The following NMNAT2 variants were observed in gnomAD, a reference collection of about 807,000 sequenced individuals.
The protein encoded by NMNAT2 is nicotinamide nucleotide adenylyltransferase 2.
NMNAT2 carries 11 observed loss-of-function variants against 41.6 expected under a neutral mutation model. That is an observed-to-expected ratio of 0.26 (90% CI 0.17 to 0.44). NMNAT2 has a LOEUF of 0.44. NMNAT2 is among the 20% of genes least tolerant of loss of function. The probability of loss-of-function intolerance (pLI) is 1.00; values close to 1 mark genes in which losing one functional copy is unlikely to be tolerated. For synonymous variants in NMNAT2, 148 were observed against 151.2 expected (o/e 0.98, Z 0.16); for missense variants, 288 against 407.7 (o/e 0.71, Z 2.53).
At chr1:183,369,571 C>T (rs1663488292) in intron 1 of NMNAT2, among the ~76,000 whole-genome samples, 1 of 152,102 alleles carries the variant, frequency 6.6e-6, no homozygotes, top group African/African-American at 2.4e-5. Context: ...GCTACCGCAC[C>T]CAGCCTATTC....
intron 1 of NMNAT2, among the ~76,000 whole-genome samples, chr1:183,348,313 C>T (rs989416304): frequency 6.6e-6 from 1 of 152,060 alleles, no homozygotes; most frequent in Admixed American, 6.6e-5. Flanking sequence ...TGTAAGTGCA[C>T]ACACAGACCA....
chr1:183,326,023 T>A (rs1345748708), intron 1 of NMNAT2, among the ~76,000 whole-genome samples: 1 of 151,846 alleles, frequency 6.6e-6, no homozygotes, highest in Admixed American at 6.6e-5. Context: ...CATATACATG[T>A]GAATCAAGAA....
intron 1 of NMNAT2, among the ~76,000 whole-genome samples, chr1:183,331,190 G>T (rs927000822): frequency 7.2e-5 from 11 of 152,092 alleles, no homozygotes; most frequent in African/African-American, 2.7e-4. Flanking sequence ...GCAGGTGGGG[G>T]TGGCCGTGGC....
chr1:183,298,549 T>G (rs1437223359), intron 1 of NMNAT2, among the ~76,000 whole-genome samples: 1 of 152,240 alleles, frequency 6.6e-6, no homozygotes, highest in Non-Finnish European at 1.5e-5. Flanking sequence ...TCTAAATAAA[T>G]GTAGAGACCT....
chr1:183,417,624 C>G (rs562580041), intron 1 of NMNAT2, among the ~76,000 whole-genome samples: 24 of 152,346 alleles, frequency 1.6e-4, no homozygotes, highest in Admixed American at 1.1e-3. Context: ...TTCCCAAACA[C>G]TGGTCCCTGG....
chr1:183,310,010 C>G (rs1167941547), intron 1 of NMNAT2, among the ~76,000 whole-genome samples: 1 of 152,130 alleles, frequency 6.6e-6, no homozygotes, highest in African/African-American at 2.4e-5. Flanking sequence ...GGGTGGACAC[C>G]TGAAGAATCA....
intron 1 of NMNAT2, among the ~76,000 whole-genome samples, chr1:183,410,316 C>A (rs1649082379): frequency 6.6e-6 from 1 of 150,678 alleles, no homozygotes; most frequent in Admixed American, 6.6e-5. Context: ...GAGTGAGACT[C>A]CATCTCAAAA....
In NMNAT2 at chr1:183,278,583, G is replaced by A. The variant is rs200493890; in HGVS notation, c.621C>T (p.Phe207=). The part of the protein sequence containing the change: ...LLCGSDLLES[F]CIPGLWNEAD... ...CCTCGTTCCAGAGCCCTGGGATGCAGAAGGACTCCAGCAGGTCACTACCAC... is the reference window on the plus strand; with the variant it reads ...CCTCGTTCCAGAGCCCTGGGATGCAAAAGGACTCCAGCAGGTCACTACCAC... The change falls in exon 8 of 11, where the codon TTC becomes TTT. Residue 207 remains phenylalanine, a synonymous_variant. Coordinates refer to ENST00000287713, the MANE Select transcript of NMNAT2 (RefSeq NM_015039.4). 36 of 1,613,888 alleles carry A rather than the reference G, an allele frequency of 2.2e-5. No individual in the cohort carries two copies. Among genetic ancestry groups the A allele is most frequent in the Non-Finnish European group, 2.8e-5 (33 of 1,179,790 alleles).
intron 1 of NMNAT2, among the ~76,000 whole-genome samples, chr1:183,371,064 C>T (rs1663528707): frequency 6.6e-6 from 1 of 152,140 alleles, no homozygotes; most frequent in South Asian, 2.1e-4. Flanking sequence ...TTCCCCCACA[C>T]CTCCACAGGA....
chr1:183,413,941 T>A (rs1649189090), intron 1 of NMNAT2, among the ~76,000 whole-genome samples: 1 of 152,188 alleles, frequency 6.6e-6, no homozygotes, highest in Admixed American at 6.5e-5. Flanking sequence ...GCGGCTGCCA[T>A]AAGTTTCCAA....
intron 10 of NMNAT2, among the ~76,000 whole-genome samples, chr1:183,260,520 A>C (rs1660629347): frequency 6.6e-6 from 1 of 152,152 alleles, no homozygotes; most frequent in Admixed American, 6.5e-5. Flanking sequence ...CCTCCCTTTT[A>C]AAAGTAAATG....
intron 1 of NMNAT2, among the ~76,000 whole-genome samples, chr1:183,338,275 C>T (rs1662721791): frequency 7.0e-6 from 1 of 143,582 alleles, no homozygotes. Flanking sequence ...CAGGGTGCAT[C>T]TGAAAACTGC....
intron 1 of NMNAT2, among the ~76,000 whole-genome samples, chr1:183,372,677 C>G (rs1437026745): frequency 6.6e-6 from 1 of 152,188 alleles, no homozygotes; most frequent in Non-Finnish European, 1.5e-5. Context: ...AAAATGCCCC[C>G]TCTCTTTTCT....
At chr1:183,257,075 A>G (rs1158213735) in intron 10 of NMNAT2, among the ~76,000 whole-genome samples, 2 of 152,002 alleles carry the variant, frequency 1.3e-5, no homozygotes, top group Non-Finnish European at 1.5e-5. Flanking sequence ...TATCTGGCTT[A>G]GGTATCAAAG....
Position 183,404,176 on chromosome 1 carries a change from G to T in NMNAT2, c.85+14007C>A, listed in dbSNP as rs973368727. On this transcript the variant is annotated intron_variant, in intron 1 of 10. Coordinates refer to ENST00000287713, the MANE Select transcript of NMNAT2 (RefSeq NM_015039.4). ...TGTGGTGGCACAATCTCAGCTCACT[G>T]CAACCTCTGCCTCCCAGGTTCAAGC... is the stretch of plus-strand genomic sequence containing the variant. Among the ~76,000 whole-genome samples the T allele has an allele frequency of 1.4e-4, 21 of 147,432 alleles. 1 individual carries two copies. The Admixed American group carries it at 1.5e-3, about 10-fold the overall frequency.
intron 1 of NMNAT2, among the ~76,000 whole-genome samples, chr1:183,415,410 G>A (rs1649227204): frequency 1.3e-5 from 2 of 152,182 alleles, no homozygotes; most frequent in South Asian, 4.1e-4. Context: ...AAGATCTTAA[G>A]GAAAAGCACA....
At chr1:183,376,241 C>T (rs576654803) in intron 1 of NMNAT2, among the ~76,000 whole-genome samples, 1 of 152,092 alleles carries the variant, frequency 6.6e-6, no homozygotes, top group Admixed American at 6.5e-5. Context: ...TAGTTGAGAA[C>T]CTATTAAGTG....
chr1:183,366,216 T>C (rs563694504), intron 1 of NMNAT2, among the ~76,000 whole-genome samples: 2 of 152,342 alleles, frequency 1.3e-5, no homozygotes, highest in African/African-American at 4.8e-5. Flanking sequence ...TATTTATGTA[T>C]TAATTCACTC....
intron 1 of NMNAT2, among the ~76,000 whole-genome samples, chr1:183,306,968 A>G (rs1380307268): frequency 6.6e-6 from 1 of 152,124 alleles, no homozygotes; most frequent in Non-Finnish European, 1.5e-5. Context: ...ACTCAGGGAC[A>G]TTGGCCATAT....
Sources: gnomAD v4.1 joint callset for allele counts (sites outside exome capture counted in the v4.1 genomes callset) on GRCh38, gnomAD v4.1.1 for gene constraint, MANE v1.5 for transcripts, NCBI Gene and HGNC (gene_info 2026-07-23, HGNC 2026-07-21) for gene names.